The following HAUS6 variants were observed in gnomAD, a reference collection of about 807,000 sequenced individuals.
HAUS6 encodes the protein HAUS augmin like complex subunit 6.
A neutral mutation model predicts 106.8 loss-of-function variants in HAUS6; 80 were observed. The observed-to-expected ratio is 0.75, with a 90% CI of 0.63 to 0.90. The LOEUF (loss-of-function observed/expected upper bound fraction) is 0.90, where lower values mean the gene tolerates loss of function less well. Among genes scored for constraint, HAUS6 ranks in the 40% least tolerant of loss-of-function variants. The probability of loss-of-function intolerance (pLI) is 0.00; values close to 1 mark genes in which losing one functional copy is unlikely to be tolerated. For missense variants in HAUS6, 1,155 were observed against 1,118.1 expected (o/e 1.03, Z -0.47); for synonymous variants, 356 against 379.1 (o/e 0.94, Z 0.71).
intron 8 of HAUS6, among the ~76,000 whole-genome samples, chr9:19,081,390 C>G (rs1318288144): frequency 1.3e-5 from 2 of 152,062 alleles, no homozygotes; most frequent in African/African-American, 4.8e-5. Flanking sequence ...TTGGCTTGCA[C>G]ATTTCTATGT....
intron 11 of HAUS6, among the ~76,000 whole-genome samples, chr9:19,072,587 G>A (rs900721829): frequency 2.0e-5 from 3 of 151,074 alleles, no homozygotes; most frequent in Non-Finnish European, 2.9e-5. Flanking sequence ...AGAAAACAAC[G>A]AGATTATATC....
chr9:19,089,084 A>C (rs1817690992), intron 5 of HAUS6, among the ~76,000 whole-genome samples: 1 of 152,128 alleles, frequency 6.6e-6, no homozygotes. Flanking sequence ...CTCTATTAAA[A>C]ATACAAAAAT....
chr9:19,085,427 T>C (rs755266909), intron 7 of HAUS6, among the ~76,000 whole-genome samples: 7 of 152,154 alleles, frequency 4.6e-5, no homozygotes, highest in African/African-American at 7.2e-5. Context: ...CTCATTGTTG[T>C]AGCCCTAATG....
In HAUS6 at chr9:19,053,982, T is replaced by C. The variant is rs1836415635; in HGVS notation, c.*2361A>G. 1 of 152,118 alleles carries C rather than the reference T, an allele frequency of 6.6e-6. No homozygotes were observed. The highest frequency in any genetic ancestry group is 1.9e-4 in the East Asian group (1 of 5,192). The allele number at this position is 152,118 out of a possible 1,614,324, so 9.4% of individuals were successfully genotyped here. A position where few individuals can be genotyped will look rare whatever the true frequency, so the allele number is the denominator to read the frequency against. On this transcript the variant is annotated 3_prime_UTR_variant, in exon 17 of 17. Coordinates refer to ENST00000380502, the MANE Select transcript of HAUS6 (RefSeq NM_017645.5). ...TATATAATAAAATCAATTCGTGGGA[T>C]ATTAAATGAATAAAAAGATAAACCA...
At chr9:19,057,886 T>C in intron 16 of HAUS6, 75 bp downstream of exon 16, 1 of 800,756 alleles carries the variant, frequency 1.2e-6, no homozygotes, top group Non-Finnish European at 2.0e-6. Context: ...TGCAGCATTC[T>C]TTGTGTACTG....
rs570127013 is a variant in HAUS6 at position 19,081,893 on chromosome 9, C to T, written c.870+980G>A. ...CGGCCTGGCCAACATGGTGAAACCC[C>T]GTCTCTACTAAAGAAGTGTCTCTCT... is the stretch of plus-strand genomic sequence containing the variant. On this transcript the variant is annotated intron_variant, in intron 8 of 16. Coordinates refer to ENST00000380502, the MANE Select transcript of HAUS6 (RefSeq NM_017645.5). 2.0e-4 allele frequency among the ~76,000 whole-genome samples: 30 copies of T among 151,746 alleles called. No individual in the cohort carries two copies. In the South Asian group the frequency reaches 5.9e-3, roughly 30 times the overall value.
In HAUS6 at chr9:19,078,244, C is replaced by G; in HGVS notation, c.1123G>C (p.Glu375Gln). ...IRHSVVEKQG[E>Q]WHKKWKEFLG... is the part of the protein sequence containing the mutation. ...AATTCTTTCCACTTTTTATGCCATTCTCCTTGCTTTTCAACAACAGAATGT... is the reference window on the plus strand; with the variant it reads ...AATTCTTTCCACTTTTTATGCCATTGTCCTTGCTTTTCAACAACAGAATGT... Residue 375 changes from glutamate to glutamine, a missense_variant, in exon 10 of 17, where the codon GAA (glutamate) becomes CAA (glutamine). Coordinates refer to ENST00000380502, the MANE Select transcript of HAUS6 (RefSeq NM_017645.5). 1 of 1,560,772 alleles carries G rather than the reference C, an allele frequency of 6.4e-7. No individual in the cohort carries two copies. The highest frequency in any genetic ancestry group is 8.8e-7 in the Non-Finnish European group (1 of 1,133,088).
chr9:19,075,245 T>C (rs926150432), intron 11 of HAUS6, among the ~76,000 whole-genome samples: 2 of 152,136 alleles, frequency 1.3e-5, no homozygotes, highest in Non-Finnish European at 2.9e-5. Flanking sequence ...TGAAGGGGGA[T>C]TGGGGGGTGA....
rs370562993 is a variant in HAUS6 at position 19,102,701 on chromosome 9, G to A, written c.-50C>T. On this transcript the variant is annotated 5_prime_UTR_variant, in exon 1 of 17. Coordinates refer to ENST00000380502, the MANE Select transcript of HAUS6 (RefSeq NM_017645.5). ...AAAGAAAGAAAGCGCAAGCCCAGGG[G>A]ACTCGGAGGGCCCTCAAGATCCCTC... The A allele has an allele frequency of 3.5e-5, 55 of 1,578,176 alleles. No individual in the cohort carries two copies. Among genetic ancestry groups the A allele is most frequent in the South Asian group, 4.6e-5 (4 of 87,566 alleles).
At chr9:19,060,372 A>T (rs10117163) in intron 14 of HAUS6, 149 bp from the exon 15 acceptor site, 47,161 of 579,204 alleles carry the variant, frequency 0.081, 3,270 homozygotes, top group African/African-American at 0.28. Flanking sequence ...AAGTTCCCCA[A>T]CAACTCTGTA....
rs537523012 is a variant in HAUS6, at chr9:19,060,371, A to G, written c.1630-148T>C. The G allele has an allele frequency of 2.9e-4, 171 of 580,548 alleles. 2 individuals are homozygous for G. The South Asian group carries it at 4.6e-3, about 15-fold the overall frequency. 36.0% of individuals were successfully genotyped at this position (580,548 alleles called of 1,614,324 possible). A position where few individuals can be genotyped will look rare whatever the true frequency, so the allele number is the denominator to read the frequency against. On this transcript the variant is annotated intron_variant, in intron 14 of 16. Transcript: ENST00000380502. Reference sequence around the variant, plus strand: ...AAAATAAGCAACAAAGAAGTTCCCCAACAACTCTGTATAGACCATCCAGGT... The same window carrying G: ...AAAATAAGCAACAAAGAAGTTCCCCGACAACTCTGTATAGACCATCCAGGT...
intron 7 of HAUS6, among the ~76,000 whole-genome samples, chr9:19,085,321 T>C (rs911062057): frequency 2.0e-5 from 3 of 152,154 alleles, no homozygotes; most frequent in Admixed American, 6.6e-5. Flanking sequence ...AAAACTTTAA[T>C]AGGTTCTGCA....
intron 9 of HAUS6, among the ~76,000 whole-genome samples, chr9:19,078,906 G>A (rs1421390754): frequency 2.0e-5 from 3 of 147,930 alleles, no homozygotes; most frequent in African/African-American, 7.4e-5. Flanking sequence ...TATAATCCCA[G>A]AACTTTGGGA....
intron 5 of HAUS6, among the ~76,000 whole-genome samples, chr9:19,088,655 G>A (rs941462499): frequency 1.3e-5 from 2 of 150,696 alleles, no homozygotes; most frequent in African/African-American, 4.9e-5. Context: ...ATCACTTGAG[G>A]TCAGGAGTTC....
At chr9:19,077,119 C>T (rs111262719) in intron 10 of HAUS6, among the ~76,000 whole-genome samples, 52 of 152,256 alleles carry the variant, frequency 3.4e-4, no homozygotes, top group African/African-American at 1.2e-3. Context: ...AGTGGGATGA[C>T]ATGTGTGAGC....
chr9:19,057,874 C>T, intron 16 of HAUS6, 87 bp downstream of exon 16: 1 of 717,700 alleles, frequency 1.4e-6, no homozygotes, highest in Non-Finnish European at 2.3e-6. Flanking sequence ...CAATAAAGGT[C>T]ATGCAGCATT....
In HAUS6 at chr9:19,080,465, T is replaced by A. The variant is rs1378100843; in HGVS notation, c.1064+14A>T. ...ACTCCTCCCACAGTAAAATAACAGATCTTTTTAGTGTACCTCATATGTTTC... is the reference window on the plus strand; with the variant it reads ...ACTCCTCCCACAGTAAAATAACAGAACTTTTTAGTGTACCTCATATGTTTC... On this transcript the variant is annotated intron_variant, in intron 9 of 16. Coordinates refer to ENST00000380502, the MANE Select transcript of HAUS6 (RefSeq NM_017645.5). 6.4e-6 allele frequency: 10 copies of A among 1,561,742 alleles called. No individual in the cohort carries two copies. The highest frequency in any genetic ancestry group is 8.8e-6 in the Non-Finnish European group (10 of 1,135,138).
chr9:19,057,747 C>T (rs1588591355), intron 16 of HAUS6: 1 of 417,722 alleles, frequency 2.4e-6, no homozygotes, highest in Non-Finnish European at 4.2e-6. Context: ...GCTTTTTTTT[C>T]CCACCCCTGT....
At chr9:19,093,070 C>A in intron 4 of HAUS6, 101 bp downstream of exon 4, 1 of 859,008 alleles carries the variant, frequency 1.2e-6, no homozygotes, top group Non-Finnish European at 1.8e-6. Flanking sequence ...AATGTTTTAA[C>A]TTACCTTGAT....
Sources: allele counts gnomAD v4.1 joint callset (sites outside exome capture counted in the v4.1 genomes callset), GRCh38; gene constraint gnomAD v4.1.1; transcripts MANE v1.5; gene names NCBI Gene and HGNC (gene_info 2026-07-23, HGNC 2026-07-21).